The following ICA1L variants were observed in gnomAD, a reference collection of about 807,000 sequenced individuals.
ICA1L encodes islet cell autoantigen 1-like protein.
In ICA1L, 50 loss-of-function variants were observed where a neutral mutation model predicts 61.3. That is an observed-to-expected ratio of 0.82 (90% confidence interval 0.65 to 1.03). The LOEUF is 1.03. ICA1L is among the 50% of genes least tolerant of loss of function. ICA1L has a pLI of 0.00. For synonymous variants in ICA1L, 161 were observed against 191.3 expected (o/e 0.84, Z 1.31); for missense variants, 508 against 556.7 (o/e 0.91, Z 0.88).
intron 1 of ICA1L, among the ~76,000 whole-genome samples, chr2:202,864,756 C>A (rs754543728): frequency 6.6e-6 from 1 of 152,138 alleles, no homozygotes; most frequent in African/African-American, 2.4e-5. Context: ...CGGTGGCTCA[C>A]GCCAGTAATC....
chr2:202,781,961 G>C (rs1692421033), intron 12 of ICA1L, among the ~76,000 whole-genome samples: 1 of 152,140 alleles, frequency 6.6e-6, no homozygotes, highest in African/African-American at 2.4e-5. Flanking sequence ...GTAATAGGTA[G>C]GTCTTGAATT....
At chr2:202,835,228 T>TC (rs1336870578) in intron 1 of ICA1L, among the ~76,000 whole-genome samples, 1 of 147,330 alleles carries the variant, frequency 6.8e-6, no homozygotes, top group Non-Finnish European at 1.5e-5. Flanking sequence ...TTTTTTTTTT[T>TC]TTTTTTTTTT....
intron 1 of ICA1L, among the ~76,000 whole-genome samples, chr2:202,852,289 G>A (rs1694647693): frequency 6.6e-6 from 1 of 151,998 alleles, no homozygotes; most frequent in Non-Finnish European, 1.5e-5. Flanking sequence ...GGGTCAAATG[G>A]TATTTCTAGT....
intron 10 of ICA1L, among the ~76,000 whole-genome samples, chr2:202,789,577 T>C (rs936673167): frequency 6.6e-6 from 1 of 152,178 alleles, no homozygotes; most frequent in Non-Finnish European, 1.5e-5. Context: ...CACACAAAAA[T>C]TGTGTTCTTA....
At chr2:202,789,140 G>A (rs2105821926) in intron 10 of ICA1L, 53 bp from the exon 11 acceptor site, 3 of 1,410,642 alleles carry the variant, frequency 2.1e-6, no homozygotes, top group South Asian at 2.5e-5. Context: ...GGAAATGAGA[G>A]TAAGACCATA....
rs755015399 is a variant in ICA1L, at chr2:202,793,494, TAAAAAAAAAAAAA to T, written c.985+3383_985+3395del. Among the ~76,000 whole-genome samples, 33 of 31,354 alleles carry T rather than the reference TAAAAAAAAAAAAA, an allele frequency of 1.1e-3. No individual in the cohort carries two copies. In the East Asian group the frequency reaches 0.016, roughly 15 times the overall value. 20.6% of individuals were successfully genotyped at this position (31,354 alleles called of 152,430 possible). A position where few individuals can be genotyped will look rare whatever the true frequency, so the allele number is the denominator to read the frequency against. On this transcript the variant is annotated intron_variant, in intron 10 of 12. Coordinates refer to ENST00000358299, the MANE Select transcript of ICA1L (RefSeq NM_001288622.3). Reference sequence around the variant, plus strand: ...CAACATGGCAATATCCCGTCTCTACTAAAAAAAAAAAAAAAAAAAAAAAAAAAAAAAAAATTAG... The same window carrying T: ...CAACATGGCAATATCCCGTCTCTACTAAAAAAAAAAAAAAAAAAAAATTAG...
chr2:202,840,702 G>A, intron 1 of ICA1L: 1 of 601,574 alleles, frequency 1.7e-6, no homozygotes, highest in Non-Finnish European at 3.2e-6. Context: ...TTGGCCCGCT[G>A]CAGGGCAGCC....
intron 8 of ICA1L, among the ~76,000 whole-genome samples, chr2:202,812,230 A>G (rs781720815): frequency 6.6e-6 from 1 of 152,238 alleles, no homozygotes; most frequent in Non-Finnish European, 1.5e-5. Context: ...TCCTTAATCA[A>G]TACTAATTTT....
chr2:202,827,001 C>T (rs1693862377), intron 2 of ICA1L, among the ~76,000 whole-genome samples: 1 of 152,112 alleles, frequency 6.6e-6, no homozygotes, highest in Non-Finnish European at 1.5e-5. Context: ...GAGCAGGCAT[C>T]AATTTTCCTT....
intron 5 of ICA1L, among the ~76,000 whole-genome samples, chr2:202,818,042 A>T (rs542085720): frequency 6.6e-6 from 1 of 152,316 alleles, no homozygotes; most frequent in East Asian, 1.9e-4. Flanking sequence ...ATATTAATTT[A>T]TTCAACAAAT....
At chr2:202,857,398 G>C (rs1329704633) in intron 1 of ICA1L, among the ~76,000 whole-genome samples, 2 of 152,136 alleles carry the variant, frequency 1.3e-5, no homozygotes, top group Non-Finnish European at 2.9e-5. Flanking sequence ...TTTAATAAAT[G>C]GTGTGGGGAA....
chr2:202,804,740 T>A (rs1233243549), intron 9 of ICA1L, among the ~76,000 whole-genome samples: 5 of 152,226 alleles, frequency 3.3e-5, no homozygotes, highest in Non-Finnish European at 7.3e-5. Context: ...ATGAAACATT[T>A]ACAAAACTTG....
In ICA1L at chr2:202,777,043, G is replaced by GTTT. The variant is rs1692245593; in HGVS notation, c.*2489_*2490insAAA. 9.7e-6 allele frequency: 1 copy of GTTT among 103,572 alleles called. No individual in the cohort carries two copies. 6.4% of individuals were successfully genotyped at this position (103,572 alleles called of 1,614,324 possible). A position where few individuals can be genotyped will look rare whatever the true frequency, so the allele number is the denominator to read the frequency against. On this transcript the variant is annotated 3_prime_UTR_variant, in exon 13 of 13. Transcript: ENST00000358299. ...TACAAACTCTCAAGACATAAAGTTAGCTTTTTTTTTTTTTTTTTTTTTTTT... is the reference window on the plus strand; with the variant it reads ...TACAAACTCTCAAGACATAAAGTTAGTTTCTTTTTTTTTTTTTTTTTTTTTTTT...
chr2:202,866,685 C>T (rs146567728), intron 1 of ICA1L, among the ~76,000 whole-genome samples: 1,783 of 152,280 alleles, frequency 0.012, 19 homozygotes, highest in African/African-American at 0.019. Flanking sequence ...CGGTAGCTCA[C>T]GCCTGTAATC....
At chr2:202,805,903 T>C (rs1173630188) in intron 9 of ICA1L, among the ~76,000 whole-genome samples, 4 of 152,248 alleles carry the variant, frequency 2.6e-5, no homozygotes, top group Non-Finnish European at 5.9e-5. Flanking sequence ...TTGTGGGGTA[T>C]AGGATCATAC....
chr2:202,805,401 G>A (rs1051845043), intron 9 of ICA1L, among the ~76,000 whole-genome samples: 1 of 152,002 alleles, frequency 6.6e-6, no homozygotes, highest in Non-Finnish European at 1.5e-5. Flanking sequence ...GTAAGATATA[G>A]GAAAATTAAA....
chr2:202,807,421 C>T (rs924575517), intron 9 of ICA1L, among the ~76,000 whole-genome samples: 7 of 152,194 alleles, frequency 4.6e-5, no homozygotes, highest in African/African-American at 1.7e-4. Context: ...GGCAGTTAGA[C>T]CAGCCCCAGC....
Position 202,849,761 on chromosome 2 carries a change from C to G in ICA1L, c.-7-20745G>C, listed in dbSNP as rs1694564123. On this transcript the variant is annotated intron_variant, in intron 1 of 12. Transcript: ENST00000358299. The surrounding 1 kb of genome is among the most constrained non-coding windows in gnomAD (Gnocchi z 4.5). ...CTCTGAAGAGAGCATCTGATCCTGACAAGGAGGATTCTCCCAGCACAGCAA... is the reference window on the plus strand; with the variant it reads ...CTCTGAAGAGAGCATCTGATCCTGAGAAGGAGGATTCTCCCAGCACAGCAA... Among the ~76,000 whole-genome samples, 1 of 152,176 alleles carries G rather than the reference C, an allele frequency of 6.6e-6. No individual in the cohort carries two copies. The highest frequency in any genetic ancestry group is 2.4e-5 in the African/African-American group (1 of 41,434).
At chr2:202,841,508 C>A in intron 1 of ICA1L, 1 of 743,120 alleles carries the variant, frequency 1.3e-6, no homozygotes, top group Non-Finnish European at 2.5e-6. Flanking sequence ...CTCCTGGGTG[C>A]ACACGGCCTG....
Sources: allele counts gnomAD v4.1 joint callset (sites outside exome capture counted in the v4.1 genomes callset), GRCh38; gene constraint gnomAD v4.1.1; non-coding constraint Gnocchi (gnomAD v3.1); transcripts MANE v1.5; gene names NCBI Gene and HGNC (gene_info 2026-07-23, HGNC 2026-07-21).